The following KAZN variants were observed in gnomAD, a reference collection of about 807,000 sequenced individuals.
The protein encoded by KAZN is kazrin.
A neutral mutation model predicts 87.4 loss-of-function variants in KAZN; 40 were observed. That is an observed-to-expected ratio of 0.46 (90% CI 0.36 to 0.60). The LOEUF is 0.60. Among genes scored for constraint, KAZN ranks in the 20% least tolerant of loss-of-function variants. The pLI is 0.00. For missense variants in KAZN, 898 were observed against 1,073.9 expected (o/e 0.84, Z 2.29); for synonymous variants, 466 against 458.3 (o/e 1.02, Z -0.22).
chr1:13,906,530 G>A (rs570571946), intron 1 of KAZN, among the ~76,000 whole-genome samples: 1 of 152,308 alleles, frequency 6.6e-6, no homozygotes, highest in South Asian at 2.1e-4. Flanking sequence ...GACCGGCCCA[G>A]GTTTCCAGTC....
intron 4 of KAZN, among the ~76,000 whole-genome samples, chr1:15,044,722 G>C (rs1289676619): frequency 7.4e-6 from 1 of 135,964 alleles, no homozygotes; most frequent in African/African-American, 2.9e-5. Flanking sequence ...GTGAGACCCT[G>C]TCTCAAACAA....
chr1:14,019,041 C>T (rs372295467), intron 1 of KAZN, among the ~76,000 whole-genome samples: 7 of 152,156 alleles, frequency 4.6e-5, no homozygotes, highest in African/African-American at 1.4e-4. Context: ...GTCAGAACAA[C>T]ACATGTGGCC....
At chr1:13,915,979 G>A (rs886215583) in intron 1 of KAZN, among the ~76,000 whole-genome samples, 1 of 152,210 alleles carries the variant, frequency 6.6e-6, no homozygotes, top group Non-Finnish European at 1.5e-5. Context: ...CTGGTGTTAG[G>A]GAAGCATTGG....
chr1:14,943,254 T>G (rs1471582014), intron 1 of KAZN, among the ~76,000 whole-genome samples: 2 of 151,950 alleles, frequency 1.3e-5, no homozygotes, highest in African/African-American at 4.8e-5. Flanking sequence ...GTTCCGTCTC[T>G]ACCTTTTTCA....
intron 1 of KAZN, among the ~76,000 whole-genome samples, chr1:14,637,848 G>A (rs1680111395): frequency 6.6e-6 from 1 of 152,128 alleles, no homozygotes; most frequent in Admixed American, 6.5e-5. Context: ...CAAACTGGGA[G>A]GCTTCAAACA....
At chr1:13,959,158 A>G (rs149218595) in intron 1 of KAZN, among the ~76,000 whole-genome samples, 69 of 152,324 alleles carry the variant, frequency 4.5e-4, no homozygotes, top group African/African-American at 1.6e-3. Flanking sequence ...GTGCCCTTAC[A>G]GAAGAGACCC....
chr1:15,065,998 G>A, intron 8 of KAZN: 2 of 1,334,184 alleles, frequency 1.5e-6, no homozygotes, highest in Non-Finnish European at 1.9e-6. Context: ...CGCCACCTCT[G>A]TAATTGATGT....
chr1:15,048,422 A>ATG (rs111596883), intron 4 of KAZN, among the ~76,000 whole-genome samples: 37,587 of 150,854 alleles, frequency 0.25, 5,601 homozygotes, highest in East Asian at 0.66. Context: ...ATGTGTGTGT[A>ATG]TGTGTGTGTG....
chr1:15,024,225 G>T (rs569054973), intron 2 of KAZN, among the ~76,000 whole-genome samples: 1 of 152,244 alleles, frequency 6.6e-6, no homozygotes, highest in South Asian at 2.1e-4. Flanking sequence ...AGGAACACGG[G>T]CCCTGGAGGT....
At chr1:14,547,613 C>A (rs774192958) in intron 2 of KAZN, among the ~76,000 whole-genome samples, 29 of 152,134 alleles carry the variant, frequency 1.9e-4, no homozygotes, top group African/African-American at 6.5e-4. Flanking sequence ...TACAGAGTCT[C>A]GCTCTGTCGC....
chr1:13,974,450 T>A (rs1642244131), intron 1 of KAZN, among the ~76,000 whole-genome samples: 1 of 152,204 alleles, frequency 6.6e-6, no homozygotes, highest in Non-Finnish European at 1.5e-5. Context: ...CAAGGGTCTT[T>A]GCAGATGTAA....
chr1:14,374,097 C>A (rs1660715021), intron 2 of KAZN, among the ~76,000 whole-genome samples: 1 of 152,118 alleles, frequency 6.6e-6, no homozygotes, highest in Non-Finnish European at 1.5e-5. Context: ...ACTTTGCTAC[C>A]AGGTTATAAT....
intron 1 of KAZN, among the ~76,000 whole-genome samples, chr1:14,910,148 G>A (rs1450434222): frequency 6.6e-6 from 1 of 152,134 alleles, no homozygotes; most frequent in African/African-American, 2.4e-5. Context: ...GAAGGCTCTG[G>A]GATATCTGTG....
intron 1 of KAZN, among the ~76,000 whole-genome samples, chr1:13,945,127 A>G (rs1347935133): frequency 6.6e-6 from 1 of 152,198 alleles, no homozygotes; most frequent in Admixed American, 6.5e-5. Context: ...AATAATAACA[A>G]TAACAGGCTC....
intron 2 of KAZN, among the ~76,000 whole-genome samples, chr1:14,498,113 C>T (rs1670046868): frequency 6.6e-6 from 1 of 152,230 alleles, no homozygotes; most frequent in Non-Finnish European, 1.5e-5. Context: ...TGACTTTGCT[C>T]ACTGATCCCT....
chr1:14,631,761 A>G (rs1470965687), intron 1 of KAZN, among the ~76,000 whole-genome samples: 1 of 152,230 alleles, frequency 6.6e-6, no homozygotes, highest in Non-Finnish European at 1.5e-5. Flanking sequence ...GAACATCCCC[A>G]GGTAGCTGCT....
intron 2 of KAZN, among the ~76,000 whole-genome samples, chr1:14,194,770 GC>G (rs2100378036): frequency 6.6e-6 from 1 of 152,296 alleles, no homozygotes; most frequent in African/African-American, 2.4e-5. Context: ...CTAAATCAGA[GC>G]AGCTGAAGGG....
intron 2 of KAZN, among the ~76,000 whole-genome samples, chr1:14,498,513 G>A (rs1390738545): frequency 6.6e-6 from 1 of 152,110 alleles, no homozygotes; most frequent in Non-Finnish European, 1.5e-5. Flanking sequence ...CCAACATGGT[G>A]AAACCCCATC....
chr1:14,292,128 T>C (rs1332230089), intron 2 of KAZN, among the ~76,000 whole-genome samples: 3 of 152,248 alleles, frequency 2.0e-5, no homozygotes, highest in Non-Finnish European at 4.4e-5. Context: ...TATAGTATGT[T>C]GTATGTATGC....
Sources: gnomAD v4.1 joint callset for allele counts (sites outside exome capture counted in the v4.1 genomes callset) on GRCh38, gnomAD v4.1.1 for gene constraint, MANE v1.5 for transcripts, NCBI Gene and HGNC (gene_info 2026-07-23, HGNC 2026-07-21) for gene names.